Variants in PCDHGA12 observed in about 807,000 individuals in gnomAD.
The protein encoded by PCDHGA12 is protocadherin gamma-A12.
Under a neutral mutation model 61.1 loss-of-function variants are expected in PCDHGA12, and 43 were observed. The ratio of observed to expected loss-of-function variants is 0.70; its 90% CI spans 0.55 to 0.91. The LOEUF is 0.91. Ranked by LOEUF, PCDHGA12 falls within the 40% of genes least tolerant of loss-of-function variation. PCDHGA12 has a pLI of 0.00. For synonymous variants in PCDHGA12, 520 were observed against 542.9 expected (o/e 0.96, Z 0.59); for missense variants, 1,236 against 1,227.7 (o/e 1.01, Z -0.10).
intron 1 of PCDHGA12, among the ~76,000 whole-genome samples, chr5:141,460,093 A>T (rs2098981983): frequency 6.6e-6 from 1 of 151,964 alleles, no homozygotes. Flanking sequence ...TAATAATTAT[A>T]CATGTAATTA....
At chr5:141,441,246 C>G (rs2098234855) in intron 1 of PCDHGA12, 1 of 152,136 alleles carries the variant, frequency 6.6e-6, no homozygotes, top group Non-Finnish European at 1.5e-5. Flanking sequence ...ATCACAAGAT[C>G]TTTAAATCAC....
chr5:141,488,170 T>C (rs554585709), intron 1 of PCDHGA12, among the ~76,000 whole-genome samples: 2 of 152,318 alleles, frequency 1.3e-5, no homozygotes, highest in African/African-American at 2.4e-5. Context: ...ATCAGAGTGG[T>C]GGCATAGATC....
chr5:141,504,228 C>T lies in PCDHGA12; in HGVS notation c.2484-1165C>T, dbSNP rs114896014. Among the ~76,000 whole-genome samples, 193 of 152,312 alleles carry T rather than the reference C, an allele frequency of 1.3e-3. 1 individual carries two copies. The highest frequency in any genetic ancestry group is 2.1e-3 in the Admixed American group (32 of 15,304). ...AAAATTCCAAGTAGAGCTGAACCTT[C>T]TAAGAAGCAGAGAGTTCTTCTTATG... On this transcript the variant is annotated intron_variant, in intron 2 of 3. Coordinates refer to ENST00000252085, the MANE Select transcript of PCDHGA12 (RefSeq NM_003735.3).
chr5:141,438,627 TATATATATACAC>T (rs1324653166), intron 1 of PCDHGA12, among the ~76,000 whole-genome samples: 191 of 47,978 alleles, frequency 4.0e-3, no homozygotes, highest in African/African-American at 0.016. Flanking sequence ...TATATATATA[TATATATATACAC>T]ACACACACAC....
At chr5:141,501,036 T>C (rs893597004) in intron 2 of PCDHGA12, among the ~76,000 whole-genome samples, 4 of 151,702 alleles carry the variant, frequency 2.6e-5, no homozygotes, top group Non-Finnish European at 4.4e-5. Flanking sequence ...GCCCAGCTAA[T>C]TTTTGTATTT....
intron 1 of PCDHGA12, among the ~76,000 whole-genome samples, chr5:141,447,275 G>A (rs2098532748): frequency 1.3e-5 from 2 of 152,154 alleles, no homozygotes; most frequent in South Asian, 2.1e-4. Context: ...AAGTAGCTGG[G>A]ACTACAGGCA....
At chr5:141,478,088 A>G (rs2099429877) in intron 1 of PCDHGA12, 2 of 1,613,944 alleles carry the variant, frequency 1.2e-6, no homozygotes, top group African/African-American at 1.3e-5. Context: ...TTCGCTCTCC[A>G]CCACTGCTAC....
At chr5:141,505,538 T>C in intron 3 of PCDHGA12, 57 bp downstream of exon 3, 1 of 1,610,262 alleles carries the variant, frequency 6.2e-7, no homozygotes, top group Non-Finnish European at 8.5e-7. Context: ...CTGGGGTGCA[T>C]CTCACAGCCA....
intron 1 of PCDHGA12, among the ~76,000 whole-genome samples, chr5:141,457,343 T>C (rs1372992422): frequency 6.6e-6 from 1 of 152,240 alleles, no homozygotes; most frequent in African/African-American, 2.4e-5. Flanking sequence ...TTACTTACTT[T>C]CATTACCTGG....
At chr5:141,442,848 T>C (rs1210778801) in intron 1 of PCDHGA12, among the ~76,000 whole-genome samples, 2 of 152,236 alleles carry the variant, frequency 1.3e-5, no homozygotes, top group Non-Finnish European at 2.9e-5. Context: ...ATCTTGGCCA[T>C]TGTAGTATGA....
chr5:141,483,435 A>G (rs2099581280), intron 1 of PCDHGA12, among the ~76,000 whole-genome samples: 1 of 152,180 alleles, frequency 6.6e-6, no homozygotes, highest in Admixed American at 6.5e-5. Context: ...GGAGCTGACT[A>G]CAATAAAATC....
At chr5:141,433,208 CTTT>C (rs745329085) in intron 1 of PCDHGA12, 25 bp downstream of exon 1, 6 of 1,292,918 alleles carry the variant, frequency 4.6e-6, no homozygotes, top group East Asian at 2.6e-5. Flanking sequence ...AATCTTCTTT[CTTT>C]TTTTTTTTTA....
chr5:141,463,975 C>T lies in PCDHGA12; in HGVS notation c.2424+30792C>T, dbSNP rs145316182. Among the ~76,000 whole-genome samples the T allele has an allele frequency of 1.3e-3, 204 of 151,992 alleles. 1 individual carries two copies. Among genetic ancestry groups the T allele is most frequent in the African/African-American group, 4.8e-3 (198 of 41,474 alleles). The stretch of plus-strand genomic sequence containing the variant: ...TTTTTAAAATAGCTTCATAAAACTC[C>T]ATTGTAAAAACCAGGTGCAGTGGCT... On this transcript the variant is annotated intron_variant, in intron 1 of 3. Transcript: ENST00000252085.
chr5:141,443,417 T>C (rs1429905201), intron 1 of PCDHGA12, among the ~76,000 whole-genome samples: 3 of 152,132 alleles, frequency 2.0e-5, no homozygotes, highest in East Asian at 1.9e-4. Context: ...TCTGGGGAGA[T>C]TGAAGCTGCA....
chr5:141,443,183 TTCTC>T (rs2098370937), intron 1 of PCDHGA12, among the ~76,000 whole-genome samples: 1 of 152,184 alleles, frequency 6.6e-6, no homozygotes, highest in Non-Finnish European at 1.5e-5. Context: ...CACTGCATCA[TTCTC>T]TATAGTACAA....
chr5:141,506,815 A>G (rs2099856451), intron 3 of PCDHGA12, among the ~76,000 whole-genome samples: 1 of 152,214 alleles, frequency 6.6e-6, no homozygotes, highest in African/African-American at 2.4e-5. Flanking sequence ...GCATTGCCCT[A>G]TATCATGAAC....
Position 141,456,287 on chromosome 5 carries a change from C to A in PCDHGA12, c.2424+23104C>A, listed in dbSNP as rs951430060. On this transcript the variant is annotated intron_variant, in intron 1 of 3. Transcript: ENST00000252085. ...CTGGCTACTTCCTGCTGAAAAGGGGCGTCTAATGGAGAACAGCAGCTAGGG... is the reference window on the plus strand; with the variant it reads ...CTGGCTACTTCCTGCTGAAAAGGGGAGTCTAATGGAGAACAGCAGCTAGGG... Among the ~76,000 whole-genome samples, 11 of 152,166 alleles carry A rather than the reference C, an allele frequency of 7.2e-5. No individual in the cohort carries two copies. In the East Asian group the frequency reaches 1.9e-3, roughly 27 times the overall value.
intron 1 of PCDHGA12, among the ~76,000 whole-genome samples, chr5:141,470,268 G>A (rs1349444076): frequency 6.6e-6 from 1 of 152,082 alleles, no homozygotes; most frequent in East Asian, 1.9e-4. Flanking sequence ...GGAGATACAT[G>A]TTTGTTTGAT....
chr5:141,489,275 A>C lies in PCDHGA12; in HGVS notation c.2425-5532A>C. On this transcript the variant is annotated intron_variant, in intron 1 of 3. Transcript: ENST00000252085. This position sits in a 1 kb window ranked among gnomAD's most constrained non-coding sequence, Gnocchi z 4.5. ...AAGACACTCCCACAGCTCGCTGGGA[A>C]ATGGCAAGTGCTGTGCATGTTGTCC... The C allele has an allele frequency of 4.5e-6, 7 of 1,556,298 alleles. No individual in the cohort carries two copies. Among genetic ancestry groups the C allele is most frequent in the Non-Finnish European group, 6.1e-6 (7 of 1,151,600 alleles).
Sources: allele counts gnomAD v4.1 joint callset (sites outside exome capture counted in the v4.1 genomes callset), GRCh38; gene constraint gnomAD v4.1.1; non-coding constraint Gnocchi (gnomAD v3.1); transcripts MANE v1.5; gene names NCBI Gene and HGNC (gene_info 2026-07-23, HGNC 2026-07-21).